Variants in HS6ST3 observed in about 807,000 individuals in gnomAD.
The protein encoded by HS6ST3 is heparan-sulfate 6-O-sulfotransferase 3.
HS6ST3 carries 12 observed loss-of-function variants against 36.7 expected under a neutral mutation model. The observed-to-expected ratio is 0.33, with a 90% confidence interval of 0.21 to 0.53. The LOEUF (loss-of-function observed/expected upper bound fraction) is 0.53, where lower values mean the gene tolerates loss of function less well. HS6ST3 is among the 20% of genes least tolerant of loss of function. The pLI is 0.95. For missense variants in HS6ST3, 584 were observed against 640.9 expected (o/e 0.91, Z 0.96); for synonymous variants, 240 against 257.5 (o/e 0.93, Z 0.65).
At chr13:96,590,891 T>A (rs969731451) in intron 1 of HS6ST3, among the ~76,000 whole-genome samples, 2 of 152,144 alleles carry the variant, frequency 1.3e-5, no homozygotes, top group African/African-American at 4.8e-5. Context: ...AGGGGCCTAG[T>A]TTCATTCTTC....
chr13:96,166,021 GTTATTTATTTATTTAT>G (rs143510611), intron 1 of HS6ST3, among the ~76,000 whole-genome samples: 1,577 of 144,766 alleles, frequency 0.011, 29 homozygotes, highest in African/African-American at 0.037. Context: ...GGTGGAAGGG[GTTATTTATTTATTTAT>G]TTATTTATTT....
chr13:96,369,180 A>G (rs1159809708), intron 1 of HS6ST3, among the ~76,000 whole-genome samples: 2 of 152,178 alleles, frequency 1.3e-5, no homozygotes, highest in Middle Eastern at 3.4e-3. Context: ...TTCCTCTAGA[A>G]CAAGAACCAA....
intron 1 of HS6ST3, among the ~76,000 whole-genome samples, chr13:96,470,983 T>G (rs775338861): frequency 2.6e-5 from 4 of 152,226 alleles, no homozygotes; most frequent in Admixed American, 1.3e-4. Context: ...TTAAAAAATT[T>G]TATTCTTTTG....
intron 1 of HS6ST3, among the ~76,000 whole-genome samples, chr13:96,186,871 G>A (rs951988388): frequency 3.9e-5 from 6 of 152,062 alleles, no homozygotes; most frequent in African/African-American, 1.2e-4. Context: ...TTATTTTATT[G>A]TCCTTCAGGT....
chr13:96,139,313 T>C (rs1241062988), intron 1 of HS6ST3, among the ~76,000 whole-genome samples: 1 of 152,038 alleles, frequency 6.6e-6, no homozygotes, highest in Non-Finnish European at 1.5e-5. Flanking sequence ...GAACGCATTA[T>C]GTGAGCTCTC....
intron 1 of HS6ST3, among the ~76,000 whole-genome samples, chr13:96,203,413 T>C (rs552462772): frequency 1.3e-5 from 2 of 152,352 alleles, no homozygotes; most frequent in Admixed American, 1.3e-4. Context: ...ACTTCTATGC[T>C]CTAATCGTAC....
chr13:96,304,317 C>G (rs1276615963), intron 1 of HS6ST3, among the ~76,000 whole-genome samples: 1 of 152,136 alleles, frequency 6.6e-6, no homozygotes, highest in Non-Finnish European at 1.5e-5. Flanking sequence ...CAGAAAGAGG[C>G]ACCAGAGTCT....
At chr13:96,249,851 G>C (rs2054599764) in intron 1 of HS6ST3, among the ~76,000 whole-genome samples, 1 of 152,130 alleles carries the variant, frequency 6.6e-6, no homozygotes, top group Non-Finnish European at 1.5e-5. Flanking sequence ...CAAAATGACA[G>C]AAATTTTATT....
At chr13:96,299,022 T>G (rs1396953711) in intron 1 of HS6ST3, among the ~76,000 whole-genome samples, 1 of 152,212 alleles carries the variant, frequency 6.6e-6, no homozygotes. Context: ...CCTGTTTCAG[T>G]AATTGTTTCT....
chr13:96,742,878 T>C (rs1385870827), intron 1 of HS6ST3, among the ~76,000 whole-genome samples: 1 of 152,094 alleles, frequency 6.6e-6, no homozygotes, highest in Non-Finnish European at 1.5e-5. Flanking sequence ...ATCATGATGC[T>C]ACAATCTAAG....
chr13:96,118,236 G>A (rs1409329450), intron 1 of HS6ST3, among the ~76,000 whole-genome samples: 1 of 152,070 alleles, frequency 6.6e-6, no homozygotes, highest in Non-Finnish European at 1.5e-5. Context: ...GAGGTCATTG[G>A]GGTGGGTCCT....
At chr13:96,125,039 C>A (rs2053943924) in intron 1 of HS6ST3, among the ~76,000 whole-genome samples, 1 of 151,966 alleles carries the variant, frequency 6.6e-6, no homozygotes, top group Non-Finnish European at 1.5e-5. Context: ...TAGTGTGCAG[C>A]CAGTGATTTA....
intron 1 of HS6ST3, among the ~76,000 whole-genome samples, chr13:96,764,043 T>TTTAAATGTTTGTAGC (rs1877033963): frequency 6.6e-6 from 1 of 152,198 alleles, no homozygotes; most frequent in African/African-American, 2.4e-5. Context: ...TGTAGCTTAA[T>TTTAAATGTTTGTAGC]TTAAAATGGT....
chr13:96,606,174 G>C (rs2056438033), intron 1 of HS6ST3, among the ~76,000 whole-genome samples: 1 of 152,138 alleles, frequency 6.6e-6, no homozygotes, highest in African/African-American at 2.4e-5. Context: ...ATTTCTTAAA[G>C]AACTTAAAAC....
intron 1 of HS6ST3, among the ~76,000 whole-genome samples, chr13:96,243,153 G>C (rs1264280866): frequency 6.6e-6 from 1 of 152,170 alleles, no homozygotes; most frequent in African/African-American, 2.4e-5. Context: ...TCAAAATCCA[G>C]TGTGAATTTA....
intron 1 of HS6ST3, among the ~76,000 whole-genome samples, chr13:96,341,334 C>T (rs903064307): frequency 6.6e-6 from 1 of 150,874 alleles, no homozygotes; most frequent in Non-Finnish European, 1.5e-5. Context: ...ACTAATTTTT[C>T]TTCACATTGA....
At chr13:96,713,666 G>T (rs1307722917) in intron 1 of HS6ST3, among the ~76,000 whole-genome samples, 1 of 152,024 alleles carries the variant, frequency 6.6e-6, no homozygotes, top group Non-Finnish European at 1.5e-5. Context: ...GTAGGGCTTT[G>T]GTAGAAGCAG....
chr13:96,120,132 C>T (rs2053918393), intron 1 of HS6ST3, among the ~76,000 whole-genome samples: 1 of 152,136 alleles, frequency 6.6e-6, no homozygotes, highest in African/African-American at 2.4e-5. Flanking sequence ...AGAGGGAAGG[C>T]AGAGGTTGGA....
At chr13:96,514,499 A>G (rs2056063995) in intron 1 of HS6ST3, among the ~76,000 whole-genome samples, 1 of 152,064 alleles carries the variant, frequency 6.6e-6, no homozygotes, top group South Asian at 2.1e-4. Context: ...GGCTTTTAGG[A>G]CGTAATTAAG....
Sources: gnomAD v4.1 joint callset for allele counts (sites outside exome capture counted in the v4.1 genomes callset) on GRCh38, gnomAD v4.1.1 for gene constraint, MANE v1.5 for transcripts, NCBI Gene and HGNC (gene_info 2026-07-23, HGNC 2026-07-21) for gene names.